DAB1: variants seen among roughly 807,000 people sequenced by gnomAD.
DAB1 encodes the protein DAB adaptor protein 1.
DAB1 carries 15 observed loss-of-function variants against 64.6 expected under a neutral mutation model. The ratio of observed to expected loss-of-function variants is 0.23; its 90% CI spans 0.16 to 0.36. DAB1 has a LOEUF of 0.36. DAB1 is among the 10% of genes least tolerant of loss of function. DAB1 has a pLI of 1.00. For synonymous variants in DAB1, 235 were observed against 251.9 expected, an observed-to-expected ratio of 0.93 and a Z score of 0.64; for missense variants, 596 against 706.7, an observed-to-expected ratio of 0.84 and a Z score of 1.78.
At chr1:58,151,513 T>C (rs1654937477) in intron 4 of DAB1, among the ~76,000 whole-genome samples, 2 of 152,224 alleles carry the variant, frequency 1.3e-5, no homozygotes, top group Non-Finnish European at 2.9e-5. Flanking sequence ...GATAAGACCA[T>C]AGTTTTTGTT....
chr1:57,612,308 C>T (rs1050166979), intron 7 of DAB1, among the ~76,000 whole-genome samples: 2 of 152,012 alleles, frequency 1.3e-5, no homozygotes, highest in Non-Finnish European at 2.9e-5. Flanking sequence ...TGTCCACATC[C>T]TGTCCTAATC....
chr1:57,106,258 C>CCT (rs1034976319), intron 4 of DAB1, among the ~76,000 whole-genome samples: 1 of 7,728 alleles, frequency 1.3e-4, no homozygotes, highest in South Asian at 8.9e-3. Context: ...CCCCCTAACA[C>CCT]CCCCCCCCAT....
intron 5 of DAB1, among the ~76,000 whole-genome samples, chr1:57,892,951 C>A (rs981105674): frequency 1.3e-5 from 2 of 152,028 alleles, no homozygotes; most frequent in Non-Finnish European, 2.9e-5. Context: ...GCATCAGAAT[C>A]ATCTAAATGG....
At chr1:57,810,119 C>G (rs1651548482) in intron 6 of DAB1, among the ~76,000 whole-genome samples, 1 of 152,138 alleles carries the variant, frequency 6.6e-6, no homozygotes, top group Non-Finnish European at 1.5e-5. Flanking sequence ...TCTCCCCCAG[C>G]CTTTTAGATT....
intron 3 of DAB1, among the ~76,000 whole-genome samples, chr1:58,397,064 C>CA (rs528396079): frequency 0.12 from 9,366 of 80,282 alleles, 459 homozygotes; most frequent in African/African-American, 0.22. Flanking sequence ...GACTCCGTCT[C>CA]AAAAAAAAAA....
At chr1:57,533,539 GTATATATA>G (rs59378470) in intron 7 of DAB1, among the ~76,000 whole-genome samples, 1 of 143,770 alleles carries the variant, frequency 7.0e-6, no homozygotes, top group African/African-American at 2.6e-5. Context: ...TTCATAACAG[GTATATATA>G]TATATATATA....
At chr1:58,259,618 C>G (rs1379582981) in intron 4 of DAB1, among the ~76,000 whole-genome samples, 1 of 152,088 alleles carries the variant, frequency 6.6e-6, no homozygotes, top group Non-Finnish European at 1.5e-5. Flanking sequence ...ACAGATACAT[C>G]CAAAAGATGT....
chr1:57,400,173 G>A (rs1018243778), intron 1 of DAB1, among the ~76,000 whole-genome samples: 2 of 152,148 alleles, frequency 1.3e-5, no homozygotes, highest in African/African-American at 4.8e-5. Context: ...ATGAACTGCT[G>A]GAGACTGGAA....
intron 4 of DAB1, among the ~76,000 whole-genome samples, chr1:58,191,862 T>C (rs1023053383): frequency 1.3e-5 from 2 of 152,188 alleles, no homozygotes; most frequent in African/African-American, 4.8e-5. Flanking sequence ...AAGGAATGAA[T>C]GTTGTGATGG....
At chr1:57,782,950 G>A (rs1328372944) in intron 6 of DAB1, among the ~76,000 whole-genome samples, 1 of 151,902 alleles carries the variant, frequency 6.6e-6, no homozygotes, top group Non-Finnish European at 1.5e-5. Context: ...TAGCATGAAT[G>A]GTTGAAAATA....
At chr1:58,356,802 C>T (rs1037834702) in intron 3 of DAB1, among the ~76,000 whole-genome samples, 1 of 152,028 alleles carries the variant, frequency 6.6e-6, no homozygotes, top group Admixed American at 6.6e-5. Context: ...GGAAGGATTG[C>T]TTGAGCCCAG....
chr1:57,770,342 AC>A (rs1484649869), intron 6 of DAB1, among the ~76,000 whole-genome samples: 1 of 152,166 alleles, frequency 6.6e-6, no homozygotes, highest in Non-Finnish European at 1.5e-5. Context: ...ATCATAGCTC[AC>A]TGCAATCTCA....
chr1:57,779,741 C>T (rs1649977113), intron 6 of DAB1, among the ~76,000 whole-genome samples: 5 of 152,142 alleles, frequency 3.3e-5, no homozygotes, highest in Admixed American at 3.3e-4. Flanking sequence ...GTGGCTGTTT[C>T]TTTACCATTA....
chr1:58,467,647 G>A (rs183052248), intron 3 of DAB1, among the ~76,000 whole-genome samples: 37 of 152,304 alleles, frequency 2.4e-4, no homozygotes, highest in Admixed American at 2.2e-3. Context: ...CTGCTGGCAT[G>A]TGACAACATA....
chr1:58,505,777 T>C (rs1645978743), intron 3 of DAB1, among the ~76,000 whole-genome samples: 1 of 152,164 alleles, frequency 6.6e-6, no homozygotes, highest in South Asian at 2.1e-4. Flanking sequence ...GCCTTGAGTT[T>C]TAAACTTTCA....
intron 5 of DAB1, among the ~76,000 whole-genome samples, chr1:57,921,862 C>G (rs114475986): frequency 0.013 from 2,040 of 152,328 alleles, 52 homozygotes; most frequent in African/African-American, 0.047. Context: ...GCTGTGGCCA[C>G]AGCCATCCCC....
At chr1:57,426,035 G>C (rs1425017096), upstream of DAB1, among the ~76,000 whole-genome samples, 4 of 152,182 alleles carry the variant, frequency 2.6e-5, no homozygotes, top group Non-Finnish European at 5.9e-5. Flanking sequence ...GTAAAAAACT[G>C]TTATGATGGA....
chr1:57,978,204 G>T (rs1032106754), intron 5 of DAB1, among the ~76,000 whole-genome samples: 4 of 152,110 alleles, frequency 2.6e-5, no homozygotes, highest in Non-Finnish European at 5.9e-5. Flanking sequence ...CATGGTACTG[G>T]TACCAAAACA....
At position 58,462,355 on chromosome 1, in the gene DAB1, T is replaced by C. The variant is rs561525628; in HGVS notation, n.257+43705A>G. ...GTTAGCCAGGATGGTCTCGATCTCC[T>C]GACCTCATGATCCACCCGCCTCGGC... is the stretch of plus-strand genomic sequence containing the variant. On this transcript the variant is annotated intron_variant and non_coding_transcript_variant, in intron 3 of 20. Transcript: ENST00000485760. Among the ~76,000 whole-genome samples the C allele has an allele frequency of 9.8e-4, 149 of 152,220 alleles. 1 individual carries two copies. Among genetic ancestry groups the C allele is most frequent in the South Asian group, 6.2e-4 (3 of 4,828 alleles).
Sources: allele counts gnomAD v4.1 joint callset (sites outside exome capture counted in the v4.1 genomes callset), GRCh38; gene constraint gnomAD v4.1.1; transcripts MANE v1.5; gene names NCBI Gene and HGNC (gene_info 2026-07-23, HGNC 2026-07-21).